CWH43: variants seen among roughly 807,000 people sequenced by gnomAD.
CWH43 encodes the protein PGAP2-interacting protein.
In CWH43, 91 loss-of-function variants were observed where a neutral mutation model predicts 85.7. That is an observed-to-expected ratio of 1.06 (90% CI 0.90 to 1.26). CWH43 has a LOEUF of 1.26. Ranked by LOEUF, CWH43 falls within the 50% of genes most tolerant of loss-of-function variation. CWH43 has a pLI of 0.00. For missense variants in CWH43, 869 were observed against 839.2 expected (o/e 1.04, Z -0.44); for synonymous variants, 323 against 293.6 (o/e 1.10, Z -1.02).
chr4:49,005,760 C>A (rs2109764347), intron 7 of CWH43, among the ~76,000 whole-genome samples: 1 of 151,842 alleles, frequency 6.6e-6, no homozygotes, highest in East Asian at 1.9e-4. Context: ...AGGCTGGCGT[C>A]GAACTCCTGG....
intron 13 of CWH43, among the ~76,000 whole-genome samples, chr4:49,040,737 C>G (rs529762264): frequency 2.1e-4 from 32 of 152,276 alleles, no homozygotes; most frequent in African/African-American, 7.2e-4. Flanking sequence ...TGCAGAAGCT[C>G]TTTAGTTTAA....
intron 8 of CWH43, among the ~76,000 whole-genome samples, chr4:49,010,330 A>G (rs1231322993): frequency 2.6e-5 from 4 of 152,104 alleles, no homozygotes. Context: ...ATATCCCTTT[A>G]TCATTTTTTA....
chr4:49,014,937 T>G (rs1783492787), intron 8 of CWH43, among the ~76,000 whole-genome samples: 2 of 152,184 alleles, frequency 1.3e-5, no homozygotes, highest in Admixed American at 6.6e-5. Context: ...TTGTACAGTT[T>G]AGGAGTTTTG....
At chr4:49,041,378 A>T (rs1329635665) in intron 13 of CWH43, among the ~76,000 whole-genome samples, 1 of 152,206 alleles carries the variant, frequency 6.6e-6, no homozygotes, top group East Asian at 1.9e-4. Flanking sequence ...ACCCATGAGC[A>T]TGGAATGTTC....
At chr4:49,031,179 A>C in intron 11 of CWH43, 1 of 438,428 alleles carries the variant, frequency 2.3e-6, no homozygotes, top group Non-Finnish European at 4.0e-6. Context: ...AAACCAATCA[A>C]TCTAGGAGCT....
chr4:49,057,685 T>C (rs1785010794), intron 15 of CWH43, among the ~76,000 whole-genome samples: 1 of 152,238 alleles, frequency 6.6e-6, no homozygotes, highest in Non-Finnish European at 1.5e-5. Flanking sequence ...TCTATTTGAA[T>C]GATTTATCCA....
intron 8 of CWH43, among the ~76,000 whole-genome samples, chr4:49,015,872 A>G (rs1783527227): frequency 6.6e-6 from 1 of 151,784 alleles, no homozygotes; most frequent in South Asian, 2.1e-4. Flanking sequence ...AAATTTTCTG[A>G]TTATTTATTT....
chr4:49,053,822 A>T (rs1278015833), intron 15 of CWH43, among the ~76,000 whole-genome samples: 1 of 152,160 alleles, frequency 6.6e-6, no homozygotes, highest in Non-Finnish European at 1.5e-5. Context: ...GTACTTTTGG[A>T]TTTGGGATGC....
rs1360274455 is a variant in CWH43, at chr4:48,986,411, G to T, written c.-19G>T. The T allele has an allele frequency of 1.3e-6, 2 of 1,550,076 alleles. No homozygotes were observed. Among genetic ancestry groups the T allele is most frequent in the Non-Finnish European group, 1.7e-6 (2 of 1,146,792 alleles). ...GACCCGCACGGCTTTCCTGGAAAGC[G>T]CTGCCCCTCGCCGCGGCGATGCCCT... On this transcript the variant is annotated 5_prime_UTR_variant, in exon 1 of 16. Transcript: ENST00000226432.
intron 5 of CWH43, among the ~76,000 whole-genome samples, chr4:48,995,190 G>A (rs1325898811): frequency 6.6e-6 from 1 of 152,150 alleles, no homozygotes; most frequent in Admixed American, 6.5e-5. Context: ...ATGGTTATGG[G>A]CATTTAGTAG....
intron 1 of CWH43, 148 bp from the exon 2 acceptor site, chr4:48,988,325 TTCCA>T: frequency 2.0e-6 from 1 of 488,512 alleles, no homozygotes; most frequent in Non-Finnish European, 3.5e-6. Flanking sequence ...TCTTGTTTTG[TTCCA>T]TGTCAGTGGA....
chr4:49,041,624 T>A (rs533251000), intron 13 of CWH43, among the ~76,000 whole-genome samples: 8 of 152,364 alleles, frequency 5.3e-5, no homozygotes, highest in South Asian at 4.1e-4. Flanking sequence ...AAGTTGCTCA[T>A]CCGCTTAAGG....
At chr4:48,991,415 C>A (rs747751884) in intron 2 of CWH43, 39 bp from the exon 3 acceptor site, 1 of 1,611,602 alleles carries the variant, frequency 6.2e-7, no homozygotes, top group Non-Finnish European at 8.5e-7. Flanking sequence ...CCAATCCATA[C>A]TTGCCAGAAA....
intron 8 of CWH43, among the ~76,000 whole-genome samples, chr4:49,012,700 GT>G (rs1783403433): frequency 6.6e-6 from 1 of 152,182 alleles, no homozygotes; most frequent in African/African-American, 2.4e-5. Flanking sequence ...ATTCCTTTCT[GT>G]TTGTTAGTTT....
intron 5 of CWH43, among the ~76,000 whole-genome samples, chr4:48,997,727 T>C (rs1782856659): frequency 1.3e-5 from 2 of 152,092 alleles, no homozygotes; most frequent in Admixed American, 6.6e-5. Context: ...CCCCCAGAAT[T>C]CTCCTCTGCA....
At chr4:49,041,272 T>C (rs1382655804) in intron 13 of CWH43, among the ~76,000 whole-genome samples, 1 of 152,230 alleles carries the variant, frequency 6.6e-6, no homozygotes, top group East Asian at 1.9e-4. Flanking sequence ...TTTTTCCAAT[T>C]CTGTGAAGAA....
intron 8 of CWH43, among the ~76,000 whole-genome samples, chr4:49,014,013 T>A (rs918816690): frequency 1.3e-5 from 2 of 152,174 alleles, no homozygotes; most frequent in African/African-American, 4.8e-5. Context: ...AAGGACTTGG[T>A]GCTTTACAAA....
chr4:49,061,878 A>G lies in CWH43; in HGVS notation c.2088A>G (p.Lys696=), dbSNP rs769847581. 20 of 1,381,132 alleles carry G rather than the reference A, an allele frequency of 1.4e-5. No individual in the cohort carries two copies. The highest frequency in any genetic ancestry group is 3.8e-4 in the Middle Eastern group (2 of 5,270). 85.6% of individuals were successfully genotyped at this position (1,381,132 alleles called of 1,614,324 possible). ...NNHHFHMNTP[K]YFL Reference sequence around the variant, plus strand: ...ATCATTTTCATATGAATACTCCCAAATACTTTTTATGAAACATTTAAAACA... The same window carrying G: ...ATCATTTTCATATGAATACTCCCAAGTACTTTTTATGAAACATTTAAAACA... The change falls in exon 16 of 16, where the codon AAA becomes AAG. Residue 696 remains lysine, a synonymous_variant. Coordinates refer to ENST00000226432, the MANE Select transcript of CWH43 (RefSeq NM_025087.3).
chr4:49,048,169 G>C (rs1325406766), intron 14 of CWH43, among the ~76,000 whole-genome samples: 1 of 152,066 alleles, frequency 6.6e-6, no homozygotes, highest in Non-Finnish European at 1.5e-5. Context: ...TTTAAAAAAT[G>C]TTGGGAACCA....
Sources: gnomAD v4.1 joint callset for allele counts (sites outside exome capture counted in the v4.1 genomes callset) on GRCh38, gnomAD v4.1.1 for gene constraint, MANE v1.5 for transcripts, NCBI Gene and HGNC (gene_info 2026-07-23, HGNC 2026-07-21) for gene names.